The following C12orf54 variants were observed in gnomAD, a reference collection of about 807,000 sequenced individuals.
C12orf54 encodes chromosome 12 open reading frame 54.
Under a neutral mutation model 26.4 loss-of-function variants are expected in C12orf54, and 24 were observed. That is an observed-to-expected ratio of 0.91 (90% CI 0.66 to 1.28). The LOEUF (loss-of-function observed/expected upper bound fraction) is 1.28. Among genes scored for constraint, C12orf54 ranks in the 50% most tolerant of loss-of-function variants. The probability of loss-of-function intolerance (pLI) is 0.00; values close to 1 mark genes in which losing one functional copy is unlikely to be tolerated. For missense variants in C12orf54, 154 were observed against 150.9 expected (o/e 1.02, Z -0.11); for synonymous variants, 54 against 47.0 (o/e 1.15, Z -0.61).
chr12:48,491,497 T>C (rs1937789505), intron 6 of C12orf54, among the ~76,000 whole-genome samples: 1 of 152,240 alleles, frequency 6.6e-6, no homozygotes, highest in Non-Finnish European at 1.5e-5. Flanking sequence ...GATGGAAGAC[T>C]CTTTTTCTCC....
the C12orf54 span, among the ~76,000 whole-genome samples, chr12:48,429,902 T>C: frequency 6.6e-6 from 1 of 152,136 alleles, no homozygotes; most frequent in African/African-American, 2.4e-5. Flanking sequence ...TCATACTACC[T>C]GATTTCAAAC....
chr12:48,470,566 G>C, the C12orf54 span, among the ~76,000 whole-genome samples: 1 of 152,094 alleles, frequency 6.6e-6, no homozygotes, highest in African/African-American at 2.4e-5. Flanking sequence ...CTTGATATTA[G>C]ATCTTTGTCA....
chr12:48,490,173 G>A (rs73298791), intron 5 of C12orf54, among the ~76,000 whole-genome samples: 9,572 of 152,266 alleles, frequency 0.063, 1,007 homozygotes, highest in African/African-American at 0.22. Flanking sequence ...GCCTTGGTAT[G>A]AATAGTTATG....
chr12:48,438,441 C>T, the C12orf54 span, among the ~76,000 whole-genome samples: 1 of 152,182 alleles, frequency 6.6e-6, no homozygotes, highest in African/African-American at 2.4e-5. Flanking sequence ...GAGCCCACAT[C>T]ATCAAGTCAA....
At chr12:48,444,866 A>G in the C12orf54 span, among the ~76,000 whole-genome samples, 5 of 152,318 alleles carry the variant, frequency 3.3e-5, no homozygotes, top group Middle Eastern at 3.4e-3. Flanking sequence ...TGCTCCAAAT[A>G]TATTATTTAA....
At chr12:48,424,146 A>G in the C12orf54 span, among the ~76,000 whole-genome samples, 1 of 152,178 alleles carries the variant, frequency 6.6e-6, no homozygotes, top group South Asian at 2.1e-4. Context: ...GGTGAATTAC[A>G]TTGTGTGATT....
At chr12:48,436,553 GTCTC>G in the C12orf54 span, among the ~76,000 whole-genome samples, 2 of 150,746 alleles carry the variant, frequency 1.3e-5, no homozygotes, top group South Asian at 2.1e-4. Flanking sequence ...AATTATAACT[GTCTC>G]TCAGACCACA....
chr12:48,457,167 C>T, the C12orf54 span, among the ~76,000 whole-genome samples: 1 of 151,992 alleles, frequency 6.6e-6, no homozygotes, highest in South Asian at 2.1e-4. Flanking sequence ...GGAATCAGAC[C>T]AAGCTGGGGG....
chr12:48,437,883 G>C, the C12orf54 span, among the ~76,000 whole-genome samples: 1 of 152,062 alleles, frequency 6.6e-6, no homozygotes, highest in Non-Finnish European at 1.5e-5. Context: ...ATTCAACATA[G>C]TGTTGGAAGT....
At chr12:48,446,219 C>CT in the C12orf54 span, among the ~76,000 whole-genome samples, 1 of 152,016 alleles carries the variant, frequency 6.6e-6, no homozygotes, top group African/African-American at 2.4e-5. Context: ...TTTTTAAGAC[C>CT]TTTTTTGCAT....
At chr12:48,414,738 C>A in the C12orf54 span, among the ~76,000 whole-genome samples, 1 of 152,092 alleles carries the variant, frequency 6.6e-6, no homozygotes, top group Non-Finnish European at 1.5e-5. Flanking sequence ...TGACCTGGGC[C>A]CCTGGGATGG....
chr12:48,469,461 C>T, the C12orf54 span, among the ~76,000 whole-genome samples: 1 of 152,166 alleles, frequency 6.6e-6, no homozygotes, highest in African/African-American at 2.4e-5. Flanking sequence ...CTCCCTTGTT[C>T]CCTGAAAATT....
chr12:48,462,117 A>T, the C12orf54 span, among the ~76,000 whole-genome samples: 1 of 151,588 alleles, frequency 6.6e-6, no homozygotes, highest in Non-Finnish European at 1.5e-5. Context: ...TTGAGAAAAG[A>T]TTTATTTTAA....
the C12orf54 span, among the ~76,000 whole-genome samples, chr12:48,467,574 A>G: frequency 2.0e-5 from 3 of 152,214 alleles, no homozygotes; most frequent in Non-Finnish European, 4.4e-5. Context: ...ATAAAATTCT[A>G]GAAAATACAT....
At chr12:48,442,107 G>T in the C12orf54 span, 1 of 154,046 alleles carries the variant, frequency 6.5e-6, no homozygotes, top group Non-Finnish European at 1.5e-5. Context: ...AGGAGATTCA[G>T]CATGGGAGTG....
At chr12:48,415,227 C>A in the C12orf54 span, among the ~76,000 whole-genome samples, 1 of 149,878 alleles carries the variant, frequency 6.7e-6, no homozygotes, top group African/African-American at 2.5e-5. Flanking sequence ...AAACAAAACC[C>A]AAAACAAAAC....
At position 48,488,962 on chromosome 12, in the gene C12orf54, A is replaced by T. The variant is rs1937722217; in HGVS notation, c.168+6A>T. On this transcript the variant is annotated splice_donor_region_variant and intron_variant, in intron 5 of 8. Transcript: ENST00000548364. ...TTAAGGATATACAAAAGGAGGTGAGATTAGATTTTGATTCTCTGAATTCCC... is the reference window on the plus strand; with the variant it reads ...TTAAGGATATACAAAAGGAGGTGAGTTTAGATTTTGATTCTCTGAATTCCC... The T allele has an allele frequency of 1.2e-6, 2 of 1,611,278 alleles. No individual in the cohort carries two copies. Among genetic ancestry groups the T allele is most frequent in the Admixed American group, 3.3e-5 (2 of 59,790 alleles).
At chr12:48,469,463 CT>C in the C12orf54 span, among the ~76,000 whole-genome samples, 2 of 152,180 alleles carry the variant, frequency 1.3e-5, no homozygotes, top group Non-Finnish European at 2.9e-5. Flanking sequence ...CCCTTGTTCC[CT>C]GAAAATTGCT....
the C12orf54 span, among the ~76,000 whole-genome samples, chr12:48,440,596 C>G: frequency 0.042 from 6,461 of 152,282 alleles, 467 homozygotes; most frequent in African/African-American, 0.15. Flanking sequence ...AGCGGCAGAG[C>G]TACTTGTCTA....
Sources: gnomAD v4.1 joint callset for allele counts (sites outside exome capture counted in the v4.1 genomes callset) on GRCh38, gnomAD v4.1.1 for gene constraint, MANE v1.5 for transcripts, NCBI Gene and HGNC (gene_info 2026-07-23, HGNC 2026-07-21) for gene names.